Variants in CNTLN observed in about 807,000 individuals in gnomAD.
CNTLN encodes centlein, also known as centlein, centrosomal protein.
CNTLN carries 212 observed loss-of-function variants against 180.0 expected under a neutral mutation model. The ratio of observed to expected loss-of-function variants is 1.18; its 90% confidence interval spans 1.05 to 1.32. The LOEUF (loss-of-function observed/expected upper bound fraction) is 1.32. Ranked by LOEUF, CNTLN falls within the 40% of genes most tolerant of loss-of-function variation. The pLI, the probability that CNTLN is intolerant of heterozygous loss-of-function variation, is 0.00. For synonymous variants in CNTLN, 722 were observed against 563.1 expected, an observed-to-expected ratio of 1.28 and a Z score of -3.99; for missense variants, 2,095 against 1,610.9, an observed-to-expected ratio of 1.30 and a Z score of -5.14.
chr9:17,308,656 T>C (rs1818911613), intron 7 of CNTLN, among the ~76,000 whole-genome samples: 1 of 152,016 alleles, frequency 6.6e-6, no homozygotes, highest in Non-Finnish European at 1.5e-5. Flanking sequence ...AATGACTTTT[T>C]GTTTTTGGTC....
intron 13 of CNTLN, among the ~76,000 whole-genome samples, chr9:17,368,926 A>G (rs973740009): frequency 2.0e-5 from 3 of 152,180 alleles, no homozygotes; most frequent in African/African-American, 4.8e-5. Context: ...ATTGGGTACA[A>G]ACAATCCCAG....
At chr9:17,463,851 T>A (rs1039972379) in intron 20 of CNTLN, among the ~76,000 whole-genome samples, 2 of 151,498 alleles carry the variant, frequency 1.3e-5, no homozygotes, top group African/African-American at 4.8e-5. Context: ...AATAAATGAG[T>A]TAATACATGT....
At chr9:17,256,561 C>G (rs1587359459) in intron 5 of CNTLN, among the ~76,000 whole-genome samples, 1 of 143,894 alleles carries the variant, frequency 6.9e-6, no homozygotes, top group South Asian at 2.2e-4. Context: ...TATGTCTTCT[C>G]TTTTTTTTTT....
At chr9:17,521,965 C>T in the CNTLN span, among the ~76,000 whole-genome samples, 1 of 152,032 alleles carries the variant, frequency 6.6e-6, no homozygotes, top group Non-Finnish European at 1.5e-5. Flanking sequence ...ATAATTCTGC[C>T]TATATTATTT....
At chr9:17,495,872 AATACTT>A (rs1229837147) in intron 25 of CNTLN, among the ~76,000 whole-genome samples, 1 of 152,158 alleles carries the variant, frequency 6.6e-6, no homozygotes, top group Non-Finnish European at 1.5e-5. Context: ...TAGGTATACT[AATACTT>A]ATGATTGTAT....
At chr9:17,213,917 C>T (rs1005622001) in intron 2 of CNTLN, among the ~76,000 whole-genome samples, 5 of 152,034 alleles carry the variant, frequency 3.3e-5, no homozygotes, top group Non-Finnish European at 7.4e-5. Context: ...GTAGATCTTC[C>T]TCCTTCCCTT....
intron 16 of CNTLN, among the ~76,000 whole-genome samples, chr9:17,412,876 A>G (rs1426340288): frequency 6.6e-6 from 1 of 152,248 alleles, no homozygotes; most frequent in African/African-American, 2.4e-5. Flanking sequence ...ACAAAACAAA[A>G]TAGACCTAAA....
intron 2 of CNTLN, among the ~76,000 whole-genome samples, chr9:17,200,457 C>G (rs1822443452): frequency 6.6e-6 from 1 of 152,110 alleles, no homozygotes; most frequent in Non-Finnish European, 1.5e-5. Flanking sequence ...ATTGATTCTT[C>G]CTATCCATGA....
chr9:17,411,615 G>T (rs543838832), intron 16 of CNTLN, among the ~76,000 whole-genome samples: 3 of 152,150 alleles, frequency 2.0e-5, no homozygotes, highest in African/African-American at 7.2e-5. Flanking sequence ...CATTGTTACG[G>T]CCTGAGCTCT....
intron 5 of CNTLN, among the ~76,000 whole-genome samples, chr9:17,257,237 T>A (rs1390466345): frequency 6.6e-6 from 1 of 152,086 alleles, no homozygotes; most frequent in Non-Finnish European, 1.5e-5. Context: ...TTTGGTATTT[T>A]GTTCTTGCGA....
At position 17,257,172 on chromosome 9, in the gene CNTLN, T is replaced by G. The variant is rs574702016; in HGVS notation, c.850-16561T>G. On this transcript the variant is annotated intron_variant, in intron 5 of 25. Transcript: ENST00000380647. ...CCCCAGAGTGTGATGTTCCCCTTCC[T>G]GTGTCCATGTGATCTCATTGTTCAA... is the stretch of plus-strand genomic sequence containing the variant. Among the ~76,000 whole-genome samples, 778 of 151,276 alleles carry G rather than the reference T, an allele frequency of 5.1e-3. 3 individuals are homozygous for G. Among genetic ancestry groups the G allele is most frequent in the African/African-American group, 0.018 (746 of 41,340 alleles).
chr9:17,368,180 C>T (rs1359071068), intron 13 of CNTLN, among the ~76,000 whole-genome samples: 2 of 152,088 alleles, frequency 1.3e-5, no homozygotes, highest in Non-Finnish European at 2.9e-5. Context: ...AGCCCTTGGG[C>T]TTTAAGGAAC....
chr9:17,405,446 A>G (rs575283954), intron 15 of CNTLN, among the ~76,000 whole-genome samples: 4 of 151,918 alleles, frequency 2.6e-5, no homozygotes, highest in African/African-American at 7.3e-5. Context: ...TGGCTGTGTC[A>G]TCATGGCCGA....
At chr9:17,355,255 C>T in intron 12 of CNTLN, among the ~76,000 whole-genome samples, 1 of 152,186 alleles carries the variant, frequency 6.6e-6, no homozygotes, top group African/African-American at 2.4e-5. Flanking sequence ...GAACTCCTGA[C>T]TTCAAGTAAT....
rs910769998 is a variant in CNTLN at position 17,468,451 on chromosome 9, G to C, written c.3855+1560G>C. 3.3e-5 allele frequency among the ~76,000 whole-genome samples: 5 copies of C among 151,404 alleles called. 1 individual carries two copies. The highest frequency in any genetic ancestry group is 1.2e-4 in the African/African-American group (5 of 41,320). On this transcript the variant is annotated intron_variant, in intron 23 of 25. Coordinates refer to ENST00000380647, the MANE Select transcript of CNTLN (RefSeq NM_017738.4). ...CATGATGTAGAACCATTTTTATTAT[G>C]AGTATTACCTTCATAAATCTTGGTT... is the stretch of plus-strand genomic sequence containing the variant.
chr9:17,266,921 C>A (rs1350970851), intron 5 of CNTLN, among the ~76,000 whole-genome samples: 1 of 152,028 alleles, frequency 6.6e-6, no homozygotes, highest in Admixed American at 6.6e-5. Flanking sequence ...TTATTTTGAG[C>A]CTATGTGTGT....
chr9:17,268,690 C>G (rs552159603), intron 5 of CNTLN, among the ~76,000 whole-genome samples: 1 of 152,114 alleles, frequency 6.6e-6, no homozygotes, highest in South Asian at 2.1e-4. Flanking sequence ...TGGGCTCCAC[C>G]CAGTTCCAGC....
intron 18 of CNTLN, among the ~76,000 whole-genome samples, chr9:17,435,775 C>G (rs1005101581): frequency 6.6e-6 from 1 of 152,094 alleles, no homozygotes; most frequent in Non-Finnish European, 1.5e-5. Flanking sequence ...GTTGGCCAGG[C>G]TGGTCTGAAA....
chr9:17,275,013 A>G (rs1828219949), intron 6 of CNTLN, among the ~76,000 whole-genome samples: 1 of 152,152 alleles, frequency 6.6e-6, no homozygotes, highest in African/African-American at 2.4e-5. Flanking sequence ...TAAACTTTAT[A>G]GATGATAGAC....
Sources: gnomAD v4.1 joint callset for allele counts (sites outside exome capture counted in the v4.1 genomes callset) on GRCh38, gnomAD v4.1.1 for gene constraint, MANE v1.5 for transcripts, NCBI Gene and HGNC (gene_info 2026-07-23, HGNC 2026-07-21) for gene names.